The following CHCT1 variants were observed in gnomAD, a reference collection of about 807,000 sequenced individuals.
The protein encoded by CHCT1 is CHD1 helical C-terminal domain containing protein 1.
At chr17:60,430,210 T>G in the CHCT1 span, among the ~76,000 whole-genome samples, 1 of 151,154 alleles carries the variant, frequency 6.6e-6, no homozygotes, top group East Asian at 2.0e-4. Context: ...CTTCCTGATT[T>G]ATTCCCTATT....
the CHCT1 span, chr17:60,426,770 C>T: frequency 1.1e-5 from 17 of 1,610,490 alleles, no homozygotes; most frequent in African/African-American, 2.7e-5. Context: ...AAAGCAGCTT[C>T]GCCGACTTTA....
At chr17:60,429,708 C>T in the CHCT1 span, 28 of 657,176 alleles carry the variant, frequency 4.3e-5, 1 homozygote, top group East Asian at 7.1e-4. Context: ...CTCTTCATCC[C>T]GCATTTTCCT....
chr17:60,427,614 A>G, the CHCT1 span, among the ~76,000 whole-genome samples: 1 of 152,068 alleles, frequency 6.6e-6, no homozygotes, highest in Non-Finnish European at 1.5e-5. Flanking sequence ...AGGTTTCACT[A>G]TGTTGGCCAG....
At chr17:60,427,871 C>A in the CHCT1 span, among the ~76,000 whole-genome samples, 1 of 152,294 alleles carries the variant, frequency 6.6e-6, no homozygotes, top group East Asian at 1.9e-4. Context: ...CTGGCGACCA[C>A]TGATCTTAGG....
chr17:60,425,732 C>G, the CHCT1 span: 6 of 1,397,332 alleles, frequency 4.3e-6, no homozygotes, highest in South Asian at 7.4e-5. Flanking sequence ...AGCACTGCCC[C>G]CAGGAGTAAC....
the CHCT1 span, chr17:60,422,343 C>A: frequency 1.1e-6 from 1 of 927,018 alleles, no homozygotes; most frequent in Non-Finnish European, 1.5e-6. Context: ...TTCGCTCGAC[C>A]CCGCACATCT....
the CHCT1 span, among the ~76,000 whole-genome samples, chr17:60,423,532 C>T: frequency 2.6e-5 from 4 of 151,902 alleles, no homozygotes; most frequent in East Asian, 1.9e-4. Flanking sequence ...GGCTCAGTCT[C>T]GGCTCACTGC....
At chr17:60,431,109 C>G in the CHCT1 span, 2 of 1,043,606 alleles carry the variant, frequency 1.9e-6, no homozygotes, top group Non-Finnish European at 2.9e-6. Flanking sequence ...ACAACACCCC[C>G]CATGTATTAC....
chr17:60,427,425 CT>C, the CHCT1 span, among the ~76,000 whole-genome samples: 10 of 148,712 alleles, frequency 6.7e-5, no homozygotes, highest in Non-Finnish European at 1.0e-4. Context: ...TTCAGCTAGT[CT>C]TTTTTTTTTG....
chr17:60,426,568 G>T, the CHCT1 span: 5 of 1,244,078 alleles, frequency 4.0e-6, no homozygotes, highest in Admixed American at 2.5e-5. Context: ...TCAAGTTTGG[G>T]CAAATCCCCA....
At chr17:60,431,383 T>G in the CHCT1 span, 1 of 682,044 alleles carries the variant, frequency 1.5e-6, no homozygotes, top group African/African-American at 1.9e-5. Context: ...TAATTAGGAA[T>G]AAATGAGGTG....
At chr17:60,429,500 C>T in the CHCT1 span, 67 of 1,614,124 alleles carry the variant, frequency 4.2e-5, no homozygotes, top group South Asian at 3.1e-4. Flanking sequence ...CATGCAGACC[C>T]CAGGTCAAGG....
the CHCT1 span, chr17:60,426,650 T>C: frequency 1.4e-6 from 2 of 1,449,122 alleles, no homozygotes; most frequent in Admixed American, 2.1e-5. Flanking sequence ...GTCCTGACCC[T>C]GAGACAAATG....
chr17:60,421,777 G>A, the CHCT1 span: 1 of 920,810 alleles, frequency 1.1e-6, no homozygotes, highest in South Asian at 5.0e-5. Flanking sequence ...TCGGGTCCCT[G>A]GAGGGCTCGC....
the CHCT1 span, chr17:60,426,384 C>A: frequency 2.7e-6 from 4 of 1,489,250 alleles, no homozygotes; most frequent in African/African-American, 4.2e-5. Flanking sequence ...CCTGGGCAAC[C>A]CCCTCTTCAT....
chr17:60,429,588 TGGACCCAG>T, the CHCT1 span: 1 of 1,600,234 alleles, frequency 6.2e-7, no homozygotes, highest in Admixed American at 1.7e-5. Context: ...GGGTGATGCC[TGGACCCAG>T]GAGTTTGTGA....
At chr17:60,424,071 G>A in the CHCT1 span, among the ~76,000 whole-genome samples, 7 of 152,142 alleles carry the variant, frequency 4.6e-5, no homozygotes, top group East Asian at 1.9e-4. Context: ...AGAGGAGGGC[G>A]TGTCAGGCTC....
the CHCT1 span, chr17:60,426,849 CT>C: frequency 8.1e-5 from 127 of 1,564,914 alleles, no homozygotes; most frequent in Non-Finnish European, 1.1e-4. Context: ...CCGAGCACAG[CT>C]GAGGGTTGGT....
chr17:60,425,846 C>G, the CHCT1 span: 1 of 1,551,740 alleles, frequency 6.4e-7, no homozygotes, highest in South Asian at 1.2e-5. Context: ...CTCGCTCATG[C>G]GCCATGCCAA....
Sources: gnomAD v4.1 joint callset for allele counts (sites outside exome capture counted in the v4.1 genomes callset) on GRCh38, gnomAD v4.1.1 for gene constraint, MANE v1.5 for transcripts, NCBI Gene and HGNC (gene_info 2026-07-23, HGNC 2026-07-21) for gene names.